RNF145: variants seen among roughly 807,000 people sequenced by gnomAD.
RNF145 encodes ring finger protein 145.
In RNF145, 12 loss-of-function variants were observed where a neutral mutation model predicts 57.3. That is an observed-to-expected ratio of 0.21 (90% CI 0.13 to 0.34). The LOEUF (loss-of-function observed/expected upper bound fraction) is 0.34, where lower values mean the gene tolerates loss of function less well. RNF145 is among the 10% of genes least tolerant of loss of function. The pLI is 1.00. For missense variants in RNF145, 429 were observed against 799.0 expected (o/e 0.54, Z 5.58); for synonymous variants, 262 against 288.3 (o/e 0.91, Z 0.92).
At position 159,166,528 on chromosome 5, in the gene RNF145, G is replaced by A. The variant is rs183476064; in HGVS notation, c.1121+2345C>T. ...ACATTTAAGTCCCTAACATACTGGAGTTATTTTGTTTATAATGCAAGATAG... is the reference window on the plus strand; with the variant it reads ...ACATTTAAGTCCCTAACATACTGGAATTATTTTGTTTATAATGCAAGATAG... On this transcript the variant is annotated intron_variant, in intron 8 of 10. Coordinates refer to ENST00000424310, the MANE Select transcript of RNF145 (RefSeq NM_001199383.2). 1.5e-3 allele frequency among the ~76,000 whole-genome samples: 231 copies of A among 152,208 alleles called. 1 individual carries two copies. Among genetic ancestry groups the A allele is most frequent in the African/African-American group, 5.2e-3 (217 of 41,530 alleles).
At position 159,174,164 on chromosome 5, in the gene RNF145, T is replaced by C; in HGVS notation, c.622-6A>G. The C allele has an allele frequency of 1.9e-6, 3 of 1,585,586 alleles. No homozygotes were observed. Among genetic ancestry groups the C allele is most frequent in the African/African-American group, 1.4e-5 (1 of 73,444 alleles). Reference sequence around the variant, plus strand: ...AGGCCATATACCTCCACTACCTAAATAAAAACGTAAGATAGGAAAACTTCT... The same window carrying C: ...AGGCCATATACCTCCACTACCTAAACAAAAACGTAAGATAGGAAAACTTCT... On this transcript the variant is annotated splice_polypyrimidine_tract_variant and splice_region_variant and intron_variant, in intron 5 of 10. Coordinates refer to ENST00000424310, the MANE Select transcript of RNF145 (RefSeq NM_001199383.2).
At chr5:159,181,749 A>G (rs1286362667) in intron 4 of RNF145, among the ~76,000 whole-genome samples, 2 of 151,926 alleles carry the variant, frequency 1.3e-5, no homozygotes, top group African/African-American at 4.8e-5. Context: ...ACTGTGCACT[A>G]TGTACAATAT....
intron 3 of RNF145, among the ~76,000 whole-genome samples, chr5:159,188,126 T>C (rs1785147272): frequency 6.6e-6 from 1 of 152,128 alleles, no homozygotes; most frequent in Non-Finnish European, 1.5e-5. Context: ...CTCATGCCTG[T>C]TATCCCAGCA....
At chr5:159,178,645 A>G (rs1457183982) in intron 4 of RNF145, among the ~76,000 whole-genome samples, 1 of 152,058 alleles carries the variant, frequency 6.6e-6, no homozygotes, top group Non-Finnish European at 1.5e-5. Flanking sequence ...CTAAAATCCA[A>G]AATGCCCTAA....
At chr5:159,198,976 G>GTACA (rs1489407384) in intron 2 of RNF145, among the ~76,000 whole-genome samples, 2 of 152,078 alleles carry the variant, frequency 1.3e-5, no homozygotes. Context: ...ACCCTGTCAC[G>GTACA]TACATACATA....
chr5:159,165,174 T>G (rs1007006615), intron 8 of RNF145, among the ~76,000 whole-genome samples: 3 of 152,190 alleles, frequency 2.0e-5, no homozygotes, highest in African/African-American at 7.2e-5. Flanking sequence ...ATGAACCCAC[T>G]TCCCACATAC....
chr5:159,168,735 C>T lies in RNF145; in HGVS notation c.1121+138G>A. The T allele has an allele frequency of 6.3e-6, 3 of 473,388 alleles. No individual in the cohort carries two copies. The East Asian group carries it at 1.1e-4, about 17-fold the overall frequency. The allele number at this position is 473,388 out of a possible 1,614,324, so 29.3% of individuals were successfully genotyped here. A position where few individuals can be genotyped will look rare whatever the true frequency, so the allele number is the denominator to read the frequency against. On this transcript the variant is annotated intron_variant, in intron 8 of 10. Coordinates refer to ENST00000424310, the MANE Select transcript of RNF145 (RefSeq NM_001199383.2). Reference sequence around the variant, plus strand: ...CATATAGGAAAAATAAAAACATAAACTTGTTGAATTAACCTAAGCTAATAC... The same window carrying T: ...CATATAGGAAAAATAAAAACATAAATTTGTTGAATTAACCTAAGCTAATAC...
At chr5:159,164,985 T>A (rs1294597995) in intron 8 of RNF145, among the ~76,000 whole-genome samples, 7 of 152,254 alleles carry the variant, frequency 4.6e-5, no homozygotes, top group Non-Finnish European at 8.8e-5. Flanking sequence ...CATCTCTTAA[T>A]TGTCCTCTAA....
intron 4 of RNF145, among the ~76,000 whole-genome samples, chr5:159,179,646 T>C (rs1167049647): frequency 6.6e-6 from 1 of 152,126 alleles, no homozygotes; most frequent in Non-Finnish European, 1.5e-5. Flanking sequence ...TACAAGTATA[T>C]GCATCATAAA....
At chr5:159,160,308 T>A (rs1476790549) in intron 10 of RNF145, among the ~76,000 whole-genome samples, 2 of 152,158 alleles carry the variant, frequency 1.3e-5, no homozygotes, top group Non-Finnish European at 2.9e-5. Flanking sequence ...ATTGTTTAGC[T>A]AGGATCAAAA....
Position 159,194,830 on chromosome 5 carries a change from C to G in RNF145, c.185-6G>C. On this transcript the variant is annotated splice_polypyrimidine_tract_variant and splice_region_variant and intron_variant, in intron 2 of 10. Coordinates refer to ENST00000424310, the MANE Select transcript of RNF145 (RefSeq NM_001199383.2). Reference sequence around the variant, plus strand: ...CACCACACTTAAGATATAACCTGTACCAGAAAGATAAATAAAATACAATTT... The same window carrying G: ...CACCACACTTAAGATATAACCTGTAGCAGAAAGATAAATAAAATACAATTT... The G allele has an allele frequency of 6.5e-7, 1 of 1,548,666 alleles. No homozygotes were observed. Among genetic ancestry groups the G allele is most frequent in the Non-Finnish European group, 8.8e-7 (1 of 1,134,544 alleles).
intron 2 of RNF145, 128 bp from the exon 3 acceptor site, chr5:159,194,952 T>C (rs1449636198): frequency 1.6e-6 from 1 of 617,618 alleles, no homozygotes; most frequent in African/African-American, 1.9e-5. Flanking sequence ...TTTATTATAC[T>C]TACCAAAGTA....
At chr5:159,207,536 G>A in intron 1 of RNF145, 3 of 1,570,112 alleles carry the variant, frequency 1.9e-6, no homozygotes, top group Non-Finnish European at 2.6e-6. Context: ...AACTAAAACT[G>A]ATCTTAAGAA....
intron 3 of RNF145, among the ~76,000 whole-genome samples, chr5:159,186,098 G>A (rs1023929024): frequency 1.9e-4 from 29 of 152,142 alleles, no homozygotes; most frequent in Admixed American, 3.9e-4. Flanking sequence ...GCGTGGTAAT[G>A]CCTATAGTCC....
rs1274008901 is a variant in RNF145, at chr5:159,157,452, T to C, written c.*1218A>G. 6.5e-6 allele frequency: 1 copy of C among 152,804 alleles called. No individual in the cohort carries two copies. The allele number at this position is 152,804 out of a possible 1,614,324, so 9.5% of individuals were successfully genotyped here. A position where few individuals can be genotyped will look rare whatever the true frequency, so the allele number is the denominator to read the frequency against. On this transcript the variant is annotated 3_prime_UTR_variant, in exon 11 of 11. Transcript: ENST00000424310. The stretch of plus-strand genomic sequence containing the variant: ...TTATTAAGACATTCAGCTATGTCTG[T>C]CAGTCTACATCCAAATTTGCTACTA...
intron 3 of RNF145, among the ~76,000 whole-genome samples, chr5:159,188,720 A>T (rs1682023097): frequency 6.6e-6 from 1 of 152,188 alleles, no homozygotes; most frequent in African/African-American, 2.4e-5. Context: ...TGAACCCATG[A>T]ATCTCTGACA....
In RNF145 at chr5:159,159,042, GA is replaced by G; in HGVS notation, c.1627-8del. Reference sequence around the variant, plus strand: ...TCACAGCAGATTTCATGTCCTAAAAGAGGGGGAAAAAAGATACCTTATAAAT... The same window carrying G: ...TCACAGCAGATTTCATGTCCTAAAAGGGGGGAAAAAAGATACCTTATAAAT... On this transcript the variant is annotated splice_polypyrimidine_tract_variant and splice_region_variant and intron_variant, in intron 10 of 10. Transcript: ENST00000424310. 2 of 1,601,962 alleles carry G rather than the reference GA, an allele frequency of 1.2e-6. No homozygotes were observed. Among genetic ancestry groups the G allele is most frequent in the Non-Finnish European group, 1.7e-6 (2 of 1,173,370 alleles).
At position 159,187,519 on chromosome 5, in the gene RNF145, G is replaced by A. The variant is rs768711006; in HGVS notation, c.294-5468C>T. Among the ~76,000 whole-genome samples the A allele has an allele frequency of 1.4e-3, 219 of 151,972 alleles. 1 individual carries two copies. Among genetic ancestry groups the A allele is most frequent in the Admixed American group, 2.8e-3 (43 of 15,286 alleles). The stretch of plus-strand genomic sequence containing the variant: ...ATTTTTTGTATTTTTAGTAGATACG[G>A]GGTTTCACTATGTTGGCCAGGCTGG... On this transcript the variant is annotated intron_variant, in intron 3 of 10. Transcript: ENST00000424310.
intron 2 of RNF145, among the ~76,000 whole-genome samples, chr5:159,197,865 G>C (rs1785510712): frequency 6.6e-6 from 1 of 152,196 alleles, no homozygotes; most frequent in South Asian, 2.1e-4. Flanking sequence ...GCTGGGGTGG[G>C]AGGATCCCTT....
Sources: gnomAD v4.1 joint callset for allele counts (sites outside exome capture counted in the v4.1 genomes callset) on GRCh38, gnomAD v4.1.1 for gene constraint, MANE v1.5 for transcripts, NCBI Gene and HGNC (gene_info 2026-07-23, HGNC 2026-07-21) for gene names.